Variants in ERBB4 observed in about 807,000 individuals in gnomAD.
ERBB4 encodes receptor tyrosine-protein kinase erbB-4.
A neutral mutation model predicts 158.0 loss-of-function variants in ERBB4; 42 were observed. The ratio of observed to expected loss-of-function variants is 0.27; its 90% confidence interval spans 0.21 to 0.34. The LOEUF (loss-of-function observed/expected upper bound fraction) is 0.34, where lower values mean the gene tolerates loss of function less well. Ranked by LOEUF, ERBB4 falls within the 10% of genes least tolerant of loss-of-function variation. The pLI is 1.00. For synonymous variants in ERBB4, 583 were observed against 558.7 expected (o/e 1.04, Z -0.61); for missense variants, 1,333 against 1,624.1 (o/e 0.82, Z 3.08).
intron 1 of ERBB4, among the ~76,000 whole-genome samples, chr2:212,306,570 T>A (rs982765): frequency 1.3e-5 from 2 of 151,170 alleles, no homozygotes; most frequent in East Asian, 2.0e-4. Flanking sequence ...AATAAATTGC[T>A]CTAATTGCCA....
At chr2:212,316,902 T>A (rs2087310073) in intron 1 of ERBB4, among the ~76,000 whole-genome samples, 1 of 151,576 alleles carries the variant, frequency 6.6e-6, no homozygotes, top group African/African-American at 2.4e-5. Flanking sequence ...GAATAAATGT[T>A]AGTTTATCAT....
chr2:211,752,558 GA>G (rs1302713066), intron 4 of ERBB4, among the ~76,000 whole-genome samples: 2 of 42,366 alleles, frequency 4.7e-5, no homozygotes, highest in South Asian at 8.0e-4. Flanking sequence ...AGTAAAGAAA[GA>G]GGAAGGAAGG....
chr2:211,522,430 T>C (rs2066213824), intron 20 of ERBB4, among the ~76,000 whole-genome samples: 1 of 152,210 alleles, frequency 6.6e-6, no homozygotes, highest in Non-Finnish European at 1.5e-5. Flanking sequence ...TAGTTGTTTC[T>C]TATGGATGAG....
At chr2:212,128,405 T>C (rs1464443251) in intron 1 of ERBB4, among the ~76,000 whole-genome samples, 1 of 152,192 alleles carries the variant, frequency 6.6e-6, no homozygotes, top group African/African-American at 2.4e-5. Flanking sequence ...CTTTGCCTGG[T>C]TTATTCTTCA....
chr2:212,522,029 G>C lies in ERBB4; in HGVS notation c.82+16420C>G, dbSNP rs189877790. On this transcript the variant is annotated intron_variant, in intron 1 of 27. Transcript: ENST00000342788. ...ATTATGAGTATCAAGCAAAATCACT[G>C]TCAATGACCTAAAATACTTAAGAAA... is the stretch of plus-strand genomic sequence containing the variant. Among the ~76,000 whole-genome samples, 25 of 151,962 alleles carry C rather than the reference G, an allele frequency of 1.6e-4. No homozygotes were observed. The East Asian group carries it at 4.2e-3, about 26-fold the overall frequency.
intron 1 of ERBB4, among the ~76,000 whole-genome samples, chr2:212,352,994 C>T (rs939558954): frequency 9.9e-5 from 15 of 152,036 alleles, no homozygotes; most frequent in African/African-American, 3.1e-4. Context: ...TGAAAATATC[C>T]TTCCTTAGTA....
intron 3 of ERBB4, among the ~76,000 whole-genome samples, chr2:211,791,082 G>C (rs1257796723): frequency 6.6e-6 from 1 of 151,698 alleles, no homozygotes; most frequent in Non-Finnish European, 1.5e-5. Flanking sequence ...GTTTATTACT[G>C]TATTAAAAAA....
chr2:211,621,767 A>T (rs1008684280), intron 18 of ERBB4, among the ~76,000 whole-genome samples: 1 of 152,148 alleles, frequency 6.6e-6, no homozygotes, highest in Non-Finnish European at 1.5e-5. Context: ...AAATTTTTCC[A>T]TTTATCTCTT....
intron 3 of ERBB4, among the ~76,000 whole-genome samples, chr2:211,920,958 A>G (rs1480441897): frequency 6.6e-6 from 1 of 151,344 alleles, no homozygotes; most frequent in Non-Finnish European, 1.5e-5. Context: ...TTTATATTTG[A>G]CACACTACAA....
At chr2:211,424,379 A>G in intron 22 of ERBB4, 78 bp from the exon 23 acceptor site, 1 of 982,140 alleles carries the variant, frequency 1.0e-6, no homozygotes, top group Non-Finnish European at 1.6e-6. Context: ...CAGTAGTAAA[A>G]GAATACTCCT....
intron 20 of ERBB4, among the ~76,000 whole-genome samples, chr2:211,481,219 A>G (rs1332013791): frequency 2.0e-5 from 3 of 152,240 alleles, no homozygotes; most frequent in East Asian, 3.8e-4. Context: ...ATGCTAAAGT[A>G]ATAAGAAAGA....
intron 3 of ERBB4, among the ~76,000 whole-genome samples, chr2:211,907,270 T>C (rs1436051279): frequency 6.6e-6 from 1 of 151,828 alleles, no homozygotes; most frequent in African/African-American, 2.4e-5. Flanking sequence ...ACTGGGAATC[T>C]TCAGCATCTA....
intron 4 of ERBB4, among the ~76,000 whole-genome samples, chr2:211,774,768 G>A (rs1179162215): frequency 6.6e-6 from 1 of 152,156 alleles, no homozygotes; most frequent in East Asian, 1.9e-4. Flanking sequence ...TGGGTTAACA[G>A]TGAAAATAAC....
At chr2:211,722,083 G>C (rs1383753781) in intron 7 of ERBB4, among the ~76,000 whole-genome samples, 1 of 152,046 alleles carries the variant, frequency 6.6e-6, no homozygotes, top group Non-Finnish European at 1.5e-5. Context: ...GGCTGGTCTC[G>C]AACTCCTGAC....
chr2:211,743,313 T>A (rs1195894029), intron 5 of ERBB4, among the ~76,000 whole-genome samples: 1 of 152,120 alleles, frequency 6.6e-6, no homozygotes, highest in Admixed American at 6.6e-5. Context: ...CAAACTGTAA[T>A]GTTTGGATAT....
chr2:212,265,538 T>C (rs905965204), intron 1 of ERBB4, among the ~76,000 whole-genome samples: 1 of 152,086 alleles, frequency 6.6e-6, no homozygotes, highest in Admixed American at 6.6e-5. Context: ...TGGGGGTCTC[T>C]AATGTTTCTT....
chr2:212,000,514 T>G (rs75854405), intron 2 of ERBB4, among the ~76,000 whole-genome samples: 1 of 151,882 alleles, frequency 6.6e-6, no homozygotes, highest in Non-Finnish European at 1.5e-5. Context: ...TCCCCTCATT[T>G]AGTAATCATT....
intron 1 of ERBB4, among the ~76,000 whole-genome samples, chr2:212,138,421 T>C (rs574435447): frequency 1.9e-4 from 29 of 152,226 alleles, no homozygotes; most frequent in Admixed American, 3.3e-4. Flanking sequence ...TAATCCCCAA[T>C]GGAGCAGTAT....
At chr2:211,795,437 C>G (rs1000088860) in intron 3 of ERBB4, among the ~76,000 whole-genome samples, 2 of 151,696 alleles carry the variant, frequency 1.3e-5, no homozygotes, top group African/African-American at 4.8e-5. Flanking sequence ...TTGGTATGAG[C>G]AAGGAATATG....
Sources: allele counts gnomAD v4.1 joint callset (sites outside exome capture counted in the v4.1 genomes callset), GRCh38; gene constraint gnomAD v4.1.1; transcripts MANE v1.5; gene names NCBI Gene and HGNC (gene_info 2026-07-23, HGNC 2026-07-21).